Variants in ASMTL observed in about 807,000 individuals in gnomAD.
ASMTL encodes the protein probable bifunctional dTTP/UTP pyrophosphatase/methyltransferase protein.
In ASMTL, 57 loss-of-function variants were observed where a neutral mutation model predicts 60.3. The observed-to-expected ratio is 0.95, with a 90% CI of 0.76 to 1.18. ASMTL has a LOEUF of 1.18. ASMTL is among the 50% of genes most tolerant of loss of function. ASMTL has a pLI of 0.00. For missense variants in ASMTL, 981 were observed against 852.6 expected (o/e 1.15, Z -1.88); for synonymous variants, 419 against 373.0 (o/e 1.12, Z -1.42).
At chrX:1,428,247 C>G in intron 6 of ASMTL, 126 bp from the exon 7 acceptor site, 3 of 1,196,736 alleles carry the variant, frequency 2.5e-6, no homozygotes, top group Non-Finnish European at 3.4e-6. Context: ...TCCTGGCTAA[C>G]ACAGTGAAAC....
chrX:1,432,968 T>C (rs28421650), intron 5 of ASMTL, among the ~76,000 whole-genome samples: 4 of 148,622 alleles, frequency 2.7e-5, no homozygotes, highest in Admixed American at 6.7e-5. Context: ...CGTGGTGGCA[T>C]GCACCTGTCA....
At chrX:1,430,142 G>A (rs1333949210) in intron 6 of ASMTL, among the ~76,000 whole-genome samples, 1 of 151,956 alleles carries the variant, frequency 6.6e-6, no homozygotes, top group Non-Finnish European at 1.5e-5. Flanking sequence ...AGCCTCCTGG[G>A]TAGCTGGGAT....
chrX:1,413,754 C>T (rs1198254655), intron 11 of ASMTL: 2 of 152,392 alleles, frequency 1.3e-5, no homozygotes, highest in African/African-American at 2.4e-5. Flanking sequence ...GACAGGTGTC[C>T]TTCTAAGAGA....
intron 1 of ASMTL, among the ~76,000 whole-genome samples, chrX:1,449,118 C>A (rs1311880358): frequency 6.6e-6 from 1 of 152,118 alleles, no homozygotes; most frequent in Non-Finnish European, 1.5e-5. Flanking sequence ...CGATAAGATT[C>A]CCCTTCCTAA....
At chrX:1,414,913 G>C (rs1263133852) in intron 11 of ASMTL, among the ~76,000 whole-genome samples, 1 of 150,654 alleles carries the variant, frequency 6.6e-6, no homozygotes, top group African/African-American at 2.4e-5. Flanking sequence ...ATGGTGCTGA[G>C]TTACAGCACG....
In ASMTL at chrX:1,427,962, A is replaced by G. The variant is rs1352000938; in HGVS notation, c.669T>C (p.Ser223=). 6.2e-7 allele frequency: 1 copy of G among 1,613,268 alleles called. No homozygotes were observed. ...CGGCCGGGATGGAGTCGTGCTTGAC[A>G]CTCCGCCGCAGGTCCTCCGGACGGG... ...YPPRPEDLRR[S]VKHDSIPAAD... is the part of the protein sequence containing the mutation. The change falls in exon 7 of 13, where the codon AGT becomes AGC. Residue 223 remains serine (S), a synonymous_variant. Coordinates refer to ENST00000381317, the MANE Select transcript of ASMTL (RefSeq NM_004192.4).
chrX:1,412,149 C>T lies in ASMTL; in HGVS notation c.1645+583G>A, dbSNP rs1423864036. Among the ~76,000 whole-genome samples, 14 of 151,912 alleles carry T rather than the reference C, an allele frequency of 9.2e-5. No individual in the cohort carries two copies. In the South Asian group the frequency reaches 1.2e-3, roughly 14 times the overall value. ...CCAACTTTAAATACAGCAGATTTAC[C>T]CTCCACAATTTAGCGGGCCTCTCAC... On this transcript the variant is annotated intron_variant, in intron 12 of 12. Transcript: ENST00000381317.
intron 9 of ASMTL, among the ~76,000 whole-genome samples, chrX:1,420,959 AATT>A (rs1427733476): frequency 2.1e-5 from 1 of 48,328 alleles, no homozygotes; most frequent in African/African-American, 6.4e-5. Context: ...GCTAATCGTT[AATT>A]TTTTTTTTTT....
At chrX:1,451,673 C>G (rs1452136772) in intron 1 of ASMTL, among the ~76,000 whole-genome samples, 12 of 142,282 alleles carry the variant, frequency 8.4e-5, no homozygotes, top group African/African-American at 2.9e-4. Flanking sequence ...CTCCCCATTC[C>G]TAGGGGTCCC....
intron 1 of ASMTL, among the ~76,000 whole-genome samples, chrX:1,451,063 CCA>C (rs1214561529): frequency 3.4e-5 from 5 of 148,518 alleles, no homozygotes; most frequent in African/African-American, 1.2e-4. Context: ...CTCCCCTCCC[CCA>C]TACCTAGGGA....
chrX:1,453,415 G>C (rs1365872526), upstream of ASMTL, among the ~76,000 whole-genome samples: 13 of 129,670 alleles, frequency 1.0e-4, no homozygotes, highest in African/African-American at 3.7e-4. Context: ...CCCGGGCCCC[G>C]TCCCCGCCCC....
chrX:1,419,762 C>G (rs1378482530), intron 9 of ASMTL, among the ~76,000 whole-genome samples: 1 of 152,324 alleles, frequency 6.6e-6, no homozygotes, highest in East Asian at 1.9e-4. Flanking sequence ...TCCTGGCTCC[C>G]TAAATCTCGC....
chrX:1,419,072 G>A lies in ASMTL; in HGVS notation c.1288C>T (p.Arg430Trp), dbSNP rs752405433. 9.3e-6 allele frequency: 15 copies of A among 1,610,818 alleles called. No individual in the cohort carries two copies. The highest frequency in any genetic ancestry group is 3.3e-5 in the South Asian group (3 of 90,794). Residue 430 changes from arginine to tryptophan, a missense_variant, in exon 10 of 13, where the codon CGG becomes TGG. Physicochemically the swap from Arg to Trp is moderately radical, Grantham distance 101. Coordinates refer to ENST00000381317, the MANE Select transcript of ASMTL (RefSeq NM_004192.4). ...AGCTTCGTCATGCCGTGCATGGCCC[G>A]CATGAACCTCAGCCGCGTCTCCGGG... ...QSPETRLRFM[R>W]AMHGMTKLTA...
intron 1 of ASMTL, among the ~76,000 whole-genome samples, chrX:1,449,929 T>C: frequency 7.4e-6 from 1 of 134,676 alleles, no homozygotes; most frequent in Non-Finnish European, 1.5e-5. Flanking sequence ...CACCAGTAAC[T>C]AACCCCCACC....
intron 1 of ASMTL, among the ~76,000 whole-genome samples, chrX:1,449,752 G>T (rs1170336912): frequency 1.7e-5 from 2 of 115,944 alleles, no homozygotes; most frequent in African/African-American, 7.4e-5. Flanking sequence ...CCCATCACCA[G>T]TAACTATGCC....
At chrX:1,441,651 G>T (rs542891148) in intron 2 of ASMTL, 2 of 152,462 alleles carry the variant, frequency 1.3e-5, no homozygotes, top group African/African-American at 4.8e-5. Flanking sequence ...GAAATCAATT[G>T]CAAGAGAATA....
intron 8 of ASMTL, 70 bp downstream of exon 8, chrX:1,425,455 C>G: frequency 6.4e-7 from 1 of 1,559,470 alleles, no homozygotes; most frequent in Admixed American, 1.8e-5. Flanking sequence ...TGCCCAGGCT[C>G]CAGGTCACCT....
intron 12 of ASMTL, among the ~76,000 whole-genome samples, chrX:1,405,202 GTAGATAGATGAATGGA>G (rs2089766854): frequency 6.6e-6 from 1 of 150,532 alleles, no homozygotes; most frequent in Non-Finnish European, 1.5e-5. Flanking sequence ...TGATGGGTAC[GTAGATAGATGAATGGA>G]TGGATAGATG....
intron 12 of ASMTL, among the ~76,000 whole-genome samples, chrX:1,404,472 AGATGGATGTATAGATG>A (rs2089726168): frequency 7.0e-6 from 1 of 142,756 alleles, no homozygotes; most frequent in Non-Finnish European, 1.5e-5. Flanking sequence ...GTAGGTAGAT[AGATGGATGTATAGATG>A]GATGGATGGA....
Sources: allele counts gnomAD v4.1 joint callset (sites outside exome capture counted in the v4.1 genomes callset), GRCh38; gene constraint gnomAD v4.1.1; transcripts MANE v1.5; gene names NCBI Gene and HGNC (gene_info 2026-07-23, HGNC 2026-07-21).